IMMP2L: variants seen among roughly 807,000 people sequenced by gnomAD.
IMMP2L encodes the protein inner mitochondrial membrane peptidase subunit 2, also known as mitochondrial inner membrane protease subunit 2.
A neutral mutation model predicts 19.3 loss-of-function variants in IMMP2L; 18 were observed. That is an observed-to-expected ratio of 0.93 (90% CI 0.64 to 1.38). The LOEUF (loss-of-function observed/expected upper bound fraction) is 1.38. Ranked by LOEUF, IMMP2L falls within the 40% of genes most tolerant of loss-of-function variation. IMMP2L has a pLI of 0.00. For synonymous variants in IMMP2L, 76 were observed against 73.0 expected (o/e 1.04, Z -0.21); for missense variants, 233 against 218.2 (o/e 1.07, Z -0.43).
rs183761417 is a variant in IMMP2L at position 111,349,690 on chromosome 7, G to A, written c.239+137548C>T. On this transcript the variant is annotated intron_variant, in intron 3 of 5. Coordinates refer to ENST00000405709, the MANE Select transcript of IMMP2L (RefSeq NM_032549.4). ...TAGAATGAAGTCCCTGCTTTAAAGA[G>A]AGACAAGAGCTAGATAAAACAGCCA... Among the ~76,000 whole-genome samples the A allele has an allele frequency of 2.4e-3, 371 of 152,198 alleles. 5 individuals carry two copies. Among genetic ancestry groups the A allele is most frequent in the African/African-American group, 8.5e-3 (354 of 41,550 alleles).
intron 5 of IMMP2L, among the ~76,000 whole-genome samples, chr7:110,682,106 C>T (rs10499991): frequency 0.52 from 78,658 of 152,004 alleles, 21,673 homozygotes; most frequent in African/African-American, 0.71. Flanking sequence ...GCTTGTAGTC[C>T]GAATCACTCT....
chr7:111,085,104 G>A (rs983003219), intron 3 of IMMP2L, among the ~76,000 whole-genome samples: 1 of 152,130 alleles, frequency 6.6e-6, no homozygotes, highest in Non-Finnish European at 1.5e-5. Flanking sequence ...GAGAAACATA[G>A]GGAAGAATAA....
chr7:111,012,811 T>C (rs772160495), intron 3 of IMMP2L, among the ~76,000 whole-genome samples: 33 of 152,168 alleles, frequency 2.2e-4, no homozygotes, highest in Non-Finnish European at 3.4e-4. Flanking sequence ...AAATGAAAGC[T>C]GAGAGGGTTC....
intron 3 of IMMP2L, among the ~76,000 whole-genome samples, chr7:111,102,495 T>A (rs1210725751): frequency 6.6e-6 from 1 of 151,598 alleles, no homozygotes; most frequent in African/African-American, 2.4e-5. Context: ...TTGCTGCTGC[T>A]TTACATCAAA....
At chr7:110,987,570 C>G (rs748184545) in intron 3 of IMMP2L, among the ~76,000 whole-genome samples, 1 of 152,040 alleles carries the variant, frequency 6.6e-6, no homozygotes, top group African/African-American at 2.4e-5. Context: ...AATGGTAGAA[C>G]CTTAAGAAGG....
intron 3 of IMMP2L, among the ~76,000 whole-genome samples, chr7:111,383,494 G>T (rs1168380716): frequency 6.6e-6 from 1 of 152,078 alleles, no homozygotes; most frequent in East Asian, 1.9e-4. Context: ...GGGCTTCACT[G>T]GACCAGAAAA....
chr7:110,845,765 T>C (rs1805592081), intron 5 of IMMP2L, among the ~76,000 whole-genome samples: 1 of 151,468 alleles, frequency 6.6e-6, no homozygotes, highest in Non-Finnish European at 1.5e-5. Context: ...AAAATTCATA[T>C]GATGAAGCTT....
chr7:110,877,151 T>C lies in IMMP2L; in HGVS notation c.408+9442A>G, dbSNP rs978327543. Among the ~76,000 whole-genome samples the C allele has an allele frequency of 6.6e-6, 1 of 152,092 alleles. No individual in the cohort carries two copies. Among genetic ancestry groups the C allele is most frequent in the Non-Finnish European group, 1.5e-5 (1 of 68,010 alleles). On this transcript the variant is annotated intron_variant, in intron 5 of 5. Coordinates refer to ENST00000405709, the MANE Select transcript of IMMP2L (RefSeq NM_032549.4). The surrounding 1 kb of genome is among the most constrained non-coding windows in gnomAD (Gnocchi z 4.0). ...CAACATAACTTCTTTTATACAGAAA[T>C]AGGAATGGGCCAGATTTGGTTCAAG...
rs114109034 is a variant in IMMP2L at position 111,297,220 on chromosome 7, A to C, written c.239+190018T>G. 2.0e-3 allele frequency among the ~76,000 whole-genome samples: 298 copies of C among 152,156 alleles called. 1 individual carries two copies. Among genetic ancestry groups the C allele is most frequent in the African/African-American group, 6.9e-3 (288 of 41,554 alleles). ...TGTACACTGAAATGAATCCATATAA[A>C]ACTAGTGAAATCTGAATAAGGTCTG... On this transcript the variant is annotated intron_variant, in intron 3 of 5. Coordinates refer to ENST00000405709, the MANE Select transcript of IMMP2L (RefSeq NM_032549.4).
chr7:111,310,274 AT>A (rs113757324), intron 3 of IMMP2L, among the ~76,000 whole-genome samples: 9,360 of 146,502 alleles, frequency 0.064, 340 homozygotes, highest in South Asian at 0.083. Flanking sequence ...CACATGCTTA[AT>A]TTTTTTTTTT....
chr7:111,333,682 T>G (rs37638), intron 3 of IMMP2L, among the ~76,000 whole-genome samples: 12,846 of 152,060 alleles, frequency 0.084, 615 homozygotes, highest in African/African-American at 0.11. Context: ...ATTAATCAGC[T>G]GACAGTGTAG....
intron 3 of IMMP2L, among the ~76,000 whole-genome samples, chr7:111,362,411 TA>T (rs1829347277): frequency 6.6e-6 from 1 of 152,084 alleles, no homozygotes; most frequent in Non-Finnish European, 1.5e-5. Flanking sequence ...TTTTCTTTTT[TA>T]AAATAGTTTA....
At chr7:110,958,141 T>A (rs765553646) in intron 4 of IMMP2L, among the ~76,000 whole-genome samples, 3 of 152,002 alleles carry the variant, frequency 2.0e-5, no homozygotes, top group African/African-American at 4.8e-5. Context: ...AAATCTAAAG[T>A]CCAAAATTTC....
chr7:111,351,764 A>G (rs1420413381), intron 3 of IMMP2L, among the ~76,000 whole-genome samples: 1 of 152,192 alleles, frequency 6.6e-6, no homozygotes, highest in Non-Finnish European at 1.5e-5. Context: ...AATGTATTTG[A>G]AATAAGAAAG....
At chr7:111,381,013 A>G (rs909011632) in intron 3 of IMMP2L, among the ~76,000 whole-genome samples, 2 of 152,010 alleles carry the variant, frequency 1.3e-5, no homozygotes, top group Non-Finnish European at 1.5e-5. Flanking sequence ...ATTTAAAAAT[A>G]AATAGATCTG....
chr7:110,830,751 T>C lies in IMMP2L; in HGVS notation c.408+55842A>G, dbSNP rs1337003012. On this transcript the variant is annotated intron_variant, in intron 5 of 5. Coordinates refer to ENST00000405709, the MANE Select transcript of IMMP2L (RefSeq NM_032549.4). ...CTCTCCTCTTTTTCTTTTTATTTTCTCTCTCTTCCTCCCTTGCTCTCTTTT... is the reference window on the plus strand; with the variant it reads ...CTCTCCTCTTTTTCTTTTTATTTTCCCTCTCTTCCTCCCTTGCTCTCTTTT... Among the ~76,000 whole-genome samples the C allele has an allele frequency of 2.6e-5, 4 of 152,114 alleles. No homozygotes were observed. In the East Asian group the frequency reaches 7.7e-4, roughly 29 times the overall value.
chr7:111,031,381 G>GGTAT, intron 3 of IMMP2L, among the ~76,000 whole-genome samples: 1 of 72,662 alleles, frequency 1.4e-5, no homozygotes, highest in East Asian at 2.4e-4. Flanking sequence ...GGGGTGTAGG[G>GGTAT]GTGTGTGTGT....
At chr7:111,207,016 T>C (rs1173056406) in intron 3 of IMMP2L, among the ~76,000 whole-genome samples, 1 of 152,192 alleles carries the variant, frequency 6.6e-6, no homozygotes, top group Non-Finnish European at 1.5e-5. Flanking sequence ...AAAAAACATT[T>C]TTAAGATTTT....
chr7:110,692,360 G>A (rs967394300), intron 5 of IMMP2L, among the ~76,000 whole-genome samples: 1 of 152,016 alleles, frequency 6.6e-6, no homozygotes, highest in African/African-American at 2.4e-5. Context: ...TAAATGGGAG[G>A]AGGGTGATGG....
Sources: gnomAD v4.1 joint callset for allele counts (sites outside exome capture counted in the v4.1 genomes callset) on GRCh38, gnomAD v4.1.1 for gene constraint, Gnocchi (gnomAD v3.1) non-coding constraint, MANE v1.5 for transcripts, NCBI Gene and HGNC (gene_info 2026-07-23, HGNC 2026-07-21) for gene names.